The following DCHS2 variants were observed in gnomAD, a reference collection of about 807,000 sequenced individuals.
DCHS2 encodes the protein protocadherin-23.
Under a neutral mutation model 182.4 loss-of-function variants are expected in DCHS2, and 142 were observed. That is an observed-to-expected ratio of 0.78 (90% CI 0.68 to 0.89). The LOEUF (loss-of-function observed/expected upper bound fraction) is 0.89. DCHS2 is among the 40% of genes least tolerant of loss of function. DCHS2 has a pLI of 0.00. For missense variants in DCHS2, 4,319 were observed against 4,198.6 expected (o/e 1.03, Z -0.79); for synonymous variants, 1,740 against 1,663.3 (o/e 1.05, Z -1.12).
intron 7 of DCHS2, among the ~76,000 whole-genome samples, chr4:154,323,521 A>G (rs1736162558): frequency 6.6e-6 from 1 of 152,094 alleles, no homozygotes; most frequent in African/African-American, 2.4e-5. Context: ...CCACTGATGC[A>G]CAGCCTAGAT....
At position 154,491,603 on chromosome 4, in the gene DCHS2, T is replaced by C; in HGVS notation, c.-248A>G. On this transcript the variant is annotated 5_prime_UTR_variant, in exon 1 of 20. Coordinates refer to ENST00000357232, the MANE Select transcript of DCHS2 (RefSeq NM_001358235.2). ...CCGCGGCAGCCACCTCTTCTGCCCC[T>C]GGATTTCTTTAAACGAATCTCATCT... 1 of 1,335,062 alleles carries C rather than the reference T, an allele frequency of 7.5e-7. No homozygotes were observed. Among genetic ancestry groups the C allele is most frequent in the African/African-American group, 1.5e-5 (1 of 66,360 alleles). 82.7% of individuals were successfully genotyped at this position (1,335,062 alleles called of 1,614,324 possible).
At chr4:154,476,293 C>T (rs756916485) in intron 1 of DCHS2, among the ~76,000 whole-genome samples, 1 of 152,188 alleles carries the variant, frequency 6.6e-6, no homozygotes, top group Non-Finnish European at 1.5e-5. Context: ...CAAAATCACT[C>T]TGGTAATATT....
intron 3 of DCHS2, among the ~76,000 whole-genome samples, chr4:154,346,926 G>A (rs141027983): frequency 3.3e-5 from 5 of 151,752 alleles, no homozygotes; most frequent in African/African-American, 7.3e-5. Context: ...GATAATGTCC[G>A]ACTTCAGATT....
intron 2 of DCHS2, among the ~76,000 whole-genome samples, chr4:154,375,848 A>G (rs1236441380): frequency 6.6e-6 from 1 of 152,156 alleles, no homozygotes; most frequent in East Asian, 1.9e-4. Context: ...CAACTATAGA[A>G]CAGGTTAAAA....
intron 1 of DCHS2, among the ~76,000 whole-genome samples, chr4:154,463,363 A>C (rs1735098297): frequency 6.6e-6 from 1 of 152,160 alleles, no homozygotes; most frequent in South Asian, 2.1e-4. Context: ...ATCCCCAACT[A>C]TTAATTTCCC....
intron 13 of DCHS2, among the ~76,000 whole-genome samples, chr4:154,293,683 C>T (rs1734775823): frequency 6.6e-6 from 1 of 152,170 alleles, no homozygotes; most frequent in Non-Finnish European, 1.5e-5. Context: ...ATCCTCCTAA[C>T]TCATTTCTCT....
At chr4:154,403,343 C>T (rs564011006) in intron 1 of DCHS2, among the ~76,000 whole-genome samples, 6 of 152,210 alleles carry the variant, frequency 3.9e-5, no homozygotes, top group Non-Finnish European at 5.9e-5. Flanking sequence ...TTGTTGACAA[C>T]TGTTTTATTT....
At chr4:154,416,114 G>C (rs1732821805) in intron 1 of DCHS2, among the ~76,000 whole-genome samples, 1 of 152,126 alleles carries the variant, frequency 6.6e-6, no homozygotes, top group African/African-American at 2.4e-5. Context: ...TGATGCAGTA[G>C]AACTGAGATG....
chr4:154,298,626 G>C lies in DCHS2; in HGVS notation c.5688C>G (p.Ile1896Met). The part of the protein sequence containing the change: ...STTRALDREQ[I>M]SNFTLVILCS... ...ACAGAATGACAAGGGTAAAATTGCT[G>C]ATTTGCTCCCGGTCCAAAGCACGAG... is the stretch of plus-strand genomic sequence containing the variant. The change falls in exon 13 of 20, where the codon ATC (isoleucine) becomes ATG (methionine). Residue 1896 changes from isoleucine (I) to methionine (M), a missense_variant. Ile to Met is a conservative substitution (Grantham distance 10). Coordinates refer to ENST00000357232, the MANE Select transcript of DCHS2 (RefSeq NM_001358235.2). 1 of 1,614,034 alleles carries C rather than the reference G, an allele frequency of 6.2e-7. No individual in the cohort carries two copies. The highest frequency in any genetic ancestry group is 1.7e-4 in the Middle Eastern group (1 of 6,060).
intron 2 of DCHS2, among the ~76,000 whole-genome samples, chr4:154,369,822 A>G (rs976931922): frequency 6.6e-6 from 1 of 152,166 alleles, no homozygotes; most frequent in African/African-American, 2.4e-5. Flanking sequence ...AATTTCTTCA[A>G]GTTATACTAT....
chr4:154,439,544 C>T (rs1022419533), intron 1 of DCHS2, among the ~76,000 whole-genome samples: 1 of 152,170 alleles, frequency 6.6e-6, no homozygotes, highest in Non-Finnish European at 1.5e-5. Context: ...CCTAGCTCCT[C>T]TTTGATAAGC....
rs566699306 is a variant in DCHS2 at position 154,463,146 on chromosome 4, T to C, written c.2052+26158A>G. ...ACATAAGTATATACATACTTATGTG[T>C]ATATATATAAGTGTGTGTATATATA... On this transcript the variant is annotated intron_variant, in intron 1 of 19. Coordinates refer to ENST00000357232, the MANE Select transcript of DCHS2 (RefSeq NM_001358235.2). Among the ~76,000 whole-genome samples the C allele has an allele frequency of 1.5e-3, 173 of 112,514 alleles. 1 individual carries two copies. The highest frequency in any genetic ancestry group is 4.6e-3 in the East Asian group (17 of 3,670). 73.8% of individuals were successfully genotyped at this position (112,514 alleles called of 152,430 possible).
At chr4:154,339,451 CTTT>C (rs761820833) in intron 3 of DCHS2, among the ~76,000 whole-genome samples, 2 of 141,290 alleles carry the variant, frequency 1.4e-5, no homozygotes, top group Non-Finnish European at 3.1e-5. Context: ...CATGAACAAA[CTTT>C]TTTTTTTTTT....
At position 154,258,095 on chromosome 4, in the gene DCHS2, G is replaced by C. The variant is rs765471139; in HGVS notation, c.6789+1450C>G. Among the ~76,000 whole-genome samples, 7 of 152,314 alleles carry C rather than the reference G, an allele frequency of 4.6e-5. No individual in the cohort carries two copies. The South Asian group carries it at 1.2e-3, about 27-fold the overall frequency. ...CACTGGGCAGGGATGATAAAGACTG[G>C]AAAAGTGAATGTTCTTTCTTCTGAA... is the stretch of plus-strand genomic sequence containing the variant. On this transcript the variant is annotated intron_variant, in intron 15 of 19. Coordinates refer to ENST00000357232, the MANE Select transcript of DCHS2 (RefSeq NM_001358235.2).
At chr4:154,242,075 G>T (rs746855848) in intron 17 of DCHS2, among the ~76,000 whole-genome samples, 1 of 152,120 alleles carries the variant, frequency 6.6e-6, no homozygotes, top group Non-Finnish European at 1.5e-5. Context: ...ACAACTTTGG[G>T]TCCACAGACT....
intron 3 of DCHS2, chr4:154,343,617 T>G: frequency 6.6e-7 from 1 of 1,510,830 alleles, no homozygotes; most frequent in Non-Finnish European, 8.9e-7. Flanking sequence ...AAATTTTTTT[T>G]CTGCAGCTTC....
At chr4:154,269,818 A>G in intron 14 of DCHS2, 82 bp downstream of exon 14, 1 of 1,532,170 alleles carries the variant, frequency 6.5e-7, no homozygotes, top group African/African-American at 1.4e-5. Flanking sequence ...CTTAGCTCTA[A>G]CAATTTCTAC....
At chr4:154,454,460 C>T (rs1012419199) in intron 1 of DCHS2, among the ~76,000 whole-genome samples, 1 of 152,140 alleles carries the variant, frequency 6.6e-6, no homozygotes, top group Non-Finnish European at 1.5e-5. Flanking sequence ...CCCAGGCTAA[C>T]AATCTACCTA....
chr4:154,482,341 A>AT (rs1560784107), intron 1 of DCHS2, among the ~76,000 whole-genome samples: 1 of 152,318 alleles, frequency 6.6e-6, no homozygotes, highest in African/African-American at 2.4e-5. Context: ...TAGCAGCTAC[A>AT]TTTTTTTCAC....
Sources: gnomAD v4.1 joint callset for allele counts (sites outside exome capture counted in the v4.1 genomes callset) on GRCh38, gnomAD v4.1.1 for gene constraint, MANE v1.5 for transcripts, NCBI Gene and HGNC (gene_info 2026-07-23, HGNC 2026-07-21) for gene names.